GRIK5: variants seen among roughly 807,000 people sequenced by gnomAD.
GRIK5 encodes the protein glutamate receptor ionotropic, kainate 5.
In GRIK5, 43 loss-of-function variants were observed where a neutral mutation model predicts 97.4. The ratio of observed to expected loss-of-function variants is 0.44; its 90% confidence interval spans 0.35 to 0.57. GRIK5 has a LOEUF of 0.57. GRIK5 is among the 20% of genes least tolerant of loss of function. The pLI, the probability that GRIK5 is intolerant of heterozygous loss-of-function variation, is 0.01. For synonymous variants in GRIK5, 580 were observed against 583.5 expected (o/e 0.99, Z 0.09); for missense variants, 1,015 against 1,382.0 (o/e 0.73, Z 4.21).
At position 42,002,860 on chromosome 19, in the gene GRIK5, C is replaced by T. The variant is rs539682217; in HGVS notation, c.2514+472G>A. On this transcript the variant is annotated intron_variant, in intron 19 of 19. Coordinates refer to ENST00000593562, the MANE Select transcript of GRIK5 (RefSeq NM_002088.5). The surrounding 1 kb of genome is among the most constrained non-coding windows in gnomAD (Gnocchi z 5.2). Reference sequence around the variant, plus strand: ...AAGCGATCCTCCCATCTCAGCCTCCCGAGTAGCTGGGATTACAGGTGTGCA... The same window carrying T: ...AAGCGATCCTCCCATCTCAGCCTCCTGAGTAGCTGGGATTACAGGTGTGCA... 3.3e-5 allele frequency among the ~76,000 whole-genome samples: 5 copies of T among 152,156 alleles called. No individual in the cohort carries two copies. The South Asian group carries it at 1.0e-3, about 32-fold the overall frequency.
chr19:42,020,514 A>C (rs1327191028), intron 15 of GRIK5, among the ~76,000 whole-genome samples: 2 of 152,198 alleles, frequency 1.3e-5, no homozygotes, highest in Non-Finnish European at 2.9e-5. Flanking sequence ...GGGTAAAATG[A>C]GGCTGAAACC....
chr19:42,069,128 TACTTGCCAGTCCGGAGA>T (rs1404116005), intron 1 of GRIK5, 96 bp downstream of exon 1: 2 of 412,334 alleles, frequency 4.9e-6, no homozygotes, highest in African/African-American at 4.1e-5. Flanking sequence ...TGGGGGAGGG[TACTTGCCAGTCCGGAGA>T]ACGGGGAGAA....
chr19:42,018,019 A>T (rs2075646285), intron 15 of GRIK5, among the ~76,000 whole-genome samples: 1 of 151,892 alleles, frequency 6.6e-6, no homozygotes, highest in South Asian at 2.1e-4. Flanking sequence ...AAACCTTAGA[A>T]ATACTGACTC....
chr19:42,028,372 TCCTGCTTTG>T (rs2075797465), intron 12 of GRIK5, among the ~76,000 whole-genome samples: 1 of 152,176 alleles, frequency 6.6e-6, no homozygotes, highest in Non-Finnish European at 1.5e-5. Flanking sequence ...TAAACCATAT[TCCTGCTTTG>T]CCTGCTGCGC....
intron 3 of GRIK5, chr19:42,063,579 G>A (rs1215257111): frequency 3.2e-6 from 1 of 312,576 alleles, no homozygotes; most frequent in Non-Finnish European, 6.3e-6. Context: ...CCTTCCCCAG[G>A]TCTTTTGCTA....
At chr19:42,013,189 A>G (rs933578628) in intron 15 of GRIK5, among the ~76,000 whole-genome samples, 71 of 100,758 alleles carry the variant, frequency 7.0e-4, no homozygotes, top group Non-Finnish European at 1.4e-3. Context: ...ACTCTCTACA[A>G]AAAAAAAAAA....
At chr19:42,033,815 C>T (rs552479376) in intron 12 of GRIK5, among the ~76,000 whole-genome samples, 1 of 152,126 alleles carries the variant, frequency 6.6e-6, no homozygotes, top group Admixed American at 6.5e-5. Context: ...AGCATGGAAA[C>T]AAGGCAAAAC....
chr19:42,007,160 T>C (rs2075502875), intron 15 of GRIK5, among the ~76,000 whole-genome samples: 1 of 151,636 alleles, frequency 6.6e-6, no homozygotes, highest in Non-Finnish European at 1.5e-5. Flanking sequence ...AGTGGCACGA[T>C]CTCAGCTCAC....
Position 42,068,955 on chromosome 19 carries a change from G to A in GRIK5, c.-51+286C>T, listed in dbSNP as rs1304766651. ...CAGCAGGGGCACGGACATGCCAGGG[G>A]CCCGGGGTAAGTGAGAGCCCAAGTA... On this transcript the variant is annotated intron_variant, in intron 1 of 19. Coordinates refer to ENST00000593562, the MANE Select transcript of GRIK5 (RefSeq NM_002088.5). 3 of 613,866 alleles carry A rather than the reference G, an allele frequency of 4.9e-6. 1 individual carries two copies. The Admixed American group carries it at 7.9e-5, about 16-fold the overall frequency. 38.0% of individuals were successfully genotyped at this position (613,866 alleles called of 1,614,324 possible). A position where few individuals can be genotyped will look rare whatever the true frequency, so the allele number is the denominator to read the frequency against.
Position 41,999,249 on chromosome 19 carries a change from G to C in GRIK5, c.2565C>G (p.Cys855Trp), listed in dbSNP as rs1193861383. The C allele has an allele frequency of 1.1e-5, 17 of 1,524,744 alleles. No individual in the cohort carries two copies. The highest frequency in any genetic ancestry group is 1.2e-5 in the Non-Finnish European group (14 of 1,142,800). 94.5% of individuals were successfully genotyped at this position (1,524,744 alleles called of 1,614,324 possible). Residue 855 changes from cysteine (C) to tryptophan (W), a missense_variant, in exon 20 of 20, where the codon TGC becomes TGG. Around this residue, in one of 5 missense-constraint regions of GRIK5, gnomAD observed 229 missense variants for 341.0 expected, o/e 0.67. Coordinates refer to ENST00000593562, the MANE Select transcript of GRIK5 (RefSeq NM_002088.5). The surrounding 1 kb of genome is among the most constrained non-coding windows in gnomAD (Gnocchi z 5.0). ...MLQELRHAVSCRKTSRSRRRR... is the reference protein window; with the variant it reads ...MLQELRHAVSWRKTSRSRRRR... Reference sequence around the variant, plus strand: ...GCCGGCGGGAACGCGACGTCTTGCGGCAAGAAACGGCGTGGCGCAGCTCCT... The same window carrying C: ...GCCGGCGGGAACGCGACGTCTTGCGCCAAGAAACGGCGTGGCGCAGCTCCT...
rs1001504705 is a variant in GRIK5, at chr19:42,069,498, G to A, written c.-308C>T. ...AAGGAGAAAATGGAGGAGAGAAGGG[G>A]AGAGAGGAGAGGGGGAAGGAGCAAA... On this transcript the variant is annotated 5_prime_UTR_variant, in exon 1 of 20. Transcript: ENST00000593562. 2.0e-5 allele frequency: 3 copies of A among 150,472 alleles called. No individual in the cohort carries two copies. The highest frequency in any genetic ancestry group is 7.4e-5 in the African/African-American group (3 of 40,766). The allele number at this position is 150,472 out of a possible 1,614,324, so 9.3% of individuals were successfully genotyped here.
rs778778484 is a variant in GRIK5, at chr19:42,056,710, G to A, written c.855C>T (p.Asn285=). The A allele has an allele frequency of 8.7e-6, 14 of 1,613,994 alleles. No homozygotes were observed. In the Admixed American group the frequency reaches 2.3e-4, roughly 27 times the overall value. Residue 285 remains asparagine (N), a synonymous_variant, in exon 8 of 20, where the codon AAC becomes AAT. Transcript: ENST00000593562. ...PFYPEFVRSL[N]MSWRENCEAS... Reference sequence around the variant, plus strand: ...CTTCACAGTTCTCCCTCCAGGACATGTTGAGGCTGCGGACAAACTCAGGGT... The same window carrying A: ...CTTCACAGTTCTCCCTCCAGGACATATTGAGGCTGCGGACAAACTCAGGGT...
At chr19:42,014,778 G>T (rs1212495877) in intron 15 of GRIK5, among the ~76,000 whole-genome samples, 1 of 152,168 alleles carries the variant, frequency 6.6e-6, no homozygotes, top group Non-Finnish European at 1.5e-5. Flanking sequence ...CACTTGGTCA[G>T]GTGTGGTGGC....
chr19:42,004,574 A>G (rs1789370751), intron 17 of GRIK5, among the ~76,000 whole-genome samples: 1 of 152,300 alleles, frequency 6.6e-6, no homozygotes, highest in African/African-American at 2.4e-5. Context: ...CTGAATGACG[A>G]AAGTGATACA....
Position 42,054,308 on chromosome 19 carries a change from G to A in GRIK5, c.1056+12C>T, listed in dbSNP as rs762630946. 19 of 1,601,120 alleles carry A rather than the reference G, an allele frequency of 1.2e-5. No individual in the cohort carries two copies. The highest frequency in any genetic ancestry group is 3.3e-5 in the Admixed American group (2 of 59,802). ...TGTCCTGCCTCCTCCACCCATCCCC[G>A]CTCGGGCTCACCATGCGCAGGTAGT... On this transcript the variant is annotated intron_variant, in intron 9 of 19. Transcript: ENST00000593562.
Position 41,998,623 on chromosome 19 carries a change from G to GC in GRIK5, c.*247dup, listed in dbSNP as rs1419761481. 3.9e-5 allele frequency: 7 copies of GC among 177,714 alleles called. No individual in the cohort carries two copies. Among genetic ancestry groups the GC allele is most frequent in the African/African-American group, 1.7e-4 (7 of 42,046 alleles). The allele number at this position is 177,714 out of a possible 1,614,324, so 11.0% of individuals were successfully genotyped here. A position where few individuals can be genotyped will look rare whatever the true frequency, so the allele number is the denominator to read the frequency against. ...CCCAGAGCCGCCCCCGAAGTCCCCA[G>GC]CCCCTGGAGTCCTCGGTTCCTGCGC... is the stretch of plus-strand genomic sequence containing the variant. On this transcript the variant is annotated 3_prime_UTR_variant, in exon 20 of 20. Coordinates refer to ENST00000593562, the MANE Select transcript of GRIK5 (RefSeq NM_002088.5).
intron 11 of GRIK5, among the ~76,000 whole-genome samples, chr19:42,045,973 C>A (rs1052481359): frequency 6.6e-6 from 1 of 152,114 alleles, no homozygotes; most frequent in African/African-American, 2.4e-5. Flanking sequence ...CAGAGAGAGA[C>A]GAGGGACCCA....
chr19:42,021,277 A>C lies in GRIK5; in HGVS notation c.1871+24T>G, dbSNP rs2075692873. Reference sequence around the variant, plus strand: ...GATGGGTCCCTCCCTCGCCCCGGGCAGAGGCAGATAGAAAGCTTCTCACCA... The same window carrying C: ...GATGGGTCCCTCCCTCGCCCCGGGCCGAGGCAGATAGAAAGCTTCTCACCA... On this transcript the variant is annotated intron_variant, in intron 15 of 19. Transcript: ENST00000593562. The surrounding 1 kb of genome is among the most constrained non-coding windows in gnomAD (Gnocchi z 4.2). 6.2e-7 allele frequency: 1 copy of C among 1,601,328 alleles called. No individual in the cohort carries two copies. Among genetic ancestry groups the C allele is most frequent in the Non-Finnish European group, 8.5e-7 (1 of 1,173,212 alleles).
intron 12 of GRIK5, among the ~76,000 whole-genome samples, chr19:42,031,499 T>C (rs1031322436): frequency 2.6e-5 from 4 of 152,136 alleles, no homozygotes; most frequent in African/African-American, 9.7e-5. Context: ...GGTGGGACCA[T>C]GGCCCCATCA....
Sources: gnomAD v4.1 joint callset for allele counts (sites outside exome capture counted in the v4.1 genomes callset) on GRCh38, gnomAD v4.1.1 for gene constraint, gnomAD v4.1.1 regional missense constraint, Gnocchi (gnomAD v3.1) non-coding constraint, MANE v1.5 for transcripts, NCBI Gene and HGNC (gene_info 2026-07-23, HGNC 2026-07-21) for gene names.